Variants in FHIT observed in about 807,000 individuals in gnomAD.
FHIT encodes the protein fragile histidine triad diadenosine triphosphatase.
FHIT carries 19 observed loss-of-function variants against 17.9 expected under a neutral mutation model. That is an observed-to-expected ratio of 1.06 (90% CI 0.74 to 1.56). FHIT has a LOEUF of 1.56. Ranked by LOEUF, FHIT falls within the 40% of genes most tolerant of loss-of-function variation. FHIT has a pLI of 0.00. For synonymous variants in FHIT, 81 were observed against 69.7 expected, an observed-to-expected ratio of 1.16 and a Z score of -0.81; for missense variants, 248 against 189.2, an observed-to-expected ratio of 1.31 and a Z score of -1.82.
intron 7 of FHIT, among the ~76,000 whole-genome samples, chr3:59,943,774 T>C (rs1706656255): frequency 6.6e-6 from 1 of 152,196 alleles, no homozygotes; most frequent in Non-Finnish European, 1.5e-5. Context: ...AACTTATGTA[T>C]CCCTGAAAGC....
At chr3:60,556,396 T>A (rs2036739875) in intron 4 of FHIT, among the ~76,000 whole-genome samples, 1 of 152,184 alleles carries the variant, frequency 6.6e-6, no homozygotes, top group Non-Finnish European at 1.5e-5. Flanking sequence ...ATGCAACTGA[T>A]CCAAAATCCA....
chr3:60,329,731 G>T (rs1204697544), intron 5 of FHIT, among the ~76,000 whole-genome samples: 1 of 152,196 alleles, frequency 6.6e-6, no homozygotes, highest in Non-Finnish European at 1.5e-5. Context: ...GTCAGCTCTG[G>T]TAGCTTGCTC....
At chr3:59,984,098 A>C (rs1708778212) in intron 7 of FHIT, among the ~76,000 whole-genome samples, 1 of 152,064 alleles carries the variant, frequency 6.6e-6, no homozygotes, top group Non-Finnish European at 1.5e-5. Context: ...CCAAGGTGAA[A>C]CTCAGTCACT....
intron 5 of FHIT, among the ~76,000 whole-genome samples, chr3:60,131,606 A>G (rs1003774361): frequency 5.9e-5 from 9 of 152,092 alleles, no homozygotes; most frequent in Admixed American, 2.0e-4. Context: ...TCTCCCTGCT[A>G]TAAGGTGGCA....
chr3:60,856,106 T>G (rs1287807758), intron 3 of FHIT, among the ~76,000 whole-genome samples: 1 of 152,060 alleles, frequency 6.6e-6, no homozygotes, highest in African/African-American at 2.4e-5. Flanking sequence ...GCAAAGAATA[T>G]GGAGGAGAGG....
chr3:61,044,740 C>T lies in FHIT; in HGVS notation c.-163-2641G>A, dbSNP rs148205020. On this transcript the variant is annotated intron_variant, in intron 2 of 9. Transcript: ENST00000492590. ...TTAAGGGCAGCCAGAGAGAAAGGTC[C>T]GGTTACCCACAAAGGGAAGCACATC... 5.2e-3 allele frequency among the ~76,000 whole-genome samples: 790 copies of T among 152,232 alleles called. 6 individuals carry two copies. Among genetic ancestry groups the T allele is most frequent in the African/African-American group, 0.017 (719 of 41,526 alleles).
At chr3:59,871,026 G>A (rs949689745) in intron 8 of FHIT, among the ~76,000 whole-genome samples, 4 of 152,060 alleles carry the variant, frequency 2.6e-5, no homozygotes, top group Admixed American at 6.5e-5. Context: ...AATAGGATAA[G>A]GCCACCAATT....
rs1160016475 is a variant in FHIT at position 61,223,821 on chromosome 3, A to C, written c.-212-23156T>G. Among the ~76,000 whole-genome samples, 4 of 150,032 alleles carry C rather than the reference A, an allele frequency of 2.7e-5. No homozygotes were observed. In the East Asian group the frequency reaches 7.8e-4, roughly 29 times the overall value. On this transcript the variant is annotated intron_variant, in intron 1 of 9. Coordinates refer to ENST00000492590, the MANE Select transcript of FHIT (RefSeq NM_002012.4). ...AACACTTATTCTTGCTGAAACTTTC[A>C]CAGCTAAAGAAGTTTTCATTCTTCT... is the stretch of plus-strand genomic sequence containing the variant.
intron 5 of FHIT, among the ~76,000 whole-genome samples, chr3:60,401,922 T>C (rs1355013627): frequency 6.6e-6 from 1 of 152,180 alleles, no homozygotes; most frequent in Non-Finnish European, 1.5e-5. Context: ...GGGTCATTTC[T>C]TCTCTGAAGC....
chr3:60,598,005 T>A (rs1021245086), intron 4 of FHIT, among the ~76,000 whole-genome samples: 2 of 152,088 alleles, frequency 1.3e-5, no homozygotes, highest in South Asian at 2.1e-4. Flanking sequence ...GAATCATACA[T>A]TGAGGAATTG....
chr3:61,185,361 AAT>A lies in FHIT; in HGVS notation c.-164+15254_-164+15255del, dbSNP rs2038474987. Among the ~76,000 whole-genome samples the A allele has an allele frequency of 2.0e-5, 3 of 152,282 alleles. No homozygotes were observed. In the South Asian group the frequency reaches 6.2e-4, roughly 32 times the overall value. Reference sequence around the variant, plus strand: ...TCAAGCTGAGCCAACCTCCTTGCAAAATAGTCAATGAGCTTCATTCAGATTAT... The same window carrying A: ...TCAAGCTGAGCCAACCTCCTTGCAAAAGTCAATGAGCTTCATTCAGATTAT... On this transcript the variant is annotated intron_variant, in intron 2 of 9. Coordinates refer to ENST00000492590, the MANE Select transcript of FHIT (RefSeq NM_002012.4).
At chr3:60,506,507 T>A (rs372087861) in intron 5 of FHIT, among the ~76,000 whole-genome samples, 1 of 152,180 alleles carries the variant, frequency 6.6e-6, no homozygotes, top group African/African-American at 2.4e-5. Context: ...TGGCACCATT[T>A]TCTTCACAAA....
chr3:60,290,442 C>G (rs1576428774), intron 5 of FHIT, among the ~76,000 whole-genome samples: 1 of 152,064 alleles, frequency 6.6e-6, no homozygotes, highest in East Asian at 2.0e-4. Context: ...ACAAGGCAAG[C>G]TGACCTATGG....
At chr3:60,007,739 A>T (rs927024652) in intron 7 of FHIT, among the ~76,000 whole-genome samples, 1 of 152,200 alleles carries the variant, frequency 6.6e-6, no homozygotes, top group African/African-American at 2.4e-5. Context: ...TGGATGATAA[A>T]AGAGTATGAC....
intron 3 of FHIT, among the ~76,000 whole-genome samples, chr3:60,863,894 A>G (rs1704040912): frequency 6.6e-6 from 1 of 152,198 alleles, no homozygotes; most frequent in Admixed American, 6.5e-5. Context: ...TCCCTTCACA[A>G]CAAGCCTATG....
At chr3:59,904,377 A>G (rs572416509) in intron 8 of FHIT, among the ~76,000 whole-genome samples, 1 of 152,080 alleles carries the variant, frequency 6.6e-6, no homozygotes, top group South Asian at 2.1e-4. Context: ...ATAGGAGATG[A>G]TTTTCATGCA....
chr3:59,842,774 G>A (rs1701580536), intron 8 of FHIT, among the ~76,000 whole-genome samples: 1 of 152,114 alleles, frequency 6.6e-6, no homozygotes, highest in Admixed American at 6.6e-5. Context: ...TGTTGTTGCT[G>A]AGTTTTAGGA....
chr3:60,054,960 C>T (rs1316067541), intron 5 of FHIT, among the ~76,000 whole-genome samples: 4 of 152,098 alleles, frequency 2.6e-5, no homozygotes, highest in Non-Finnish European at 1.5e-5. Flanking sequence ...TTGCTGTATA[C>T]TCCAAACTCC....
intron 4 of FHIT, among the ~76,000 whole-genome samples, chr3:60,638,631 CA>C (rs2039649394): frequency 6.6e-6 from 1 of 151,964 alleles, no homozygotes; most frequent in Non-Finnish European, 1.5e-5. Flanking sequence ...CACTGTGGAG[CA>C]AAGTTCAGGA....
Sources: allele counts gnomAD v4.1 joint callset (sites outside exome capture counted in the v4.1 genomes callset), GRCh38; gene constraint gnomAD v4.1.1; transcripts MANE v1.5; gene names NCBI Gene and HGNC (gene_info 2026-07-23, HGNC 2026-07-21).